SLC4A4: variants seen among roughly 807,000 people sequenced by gnomAD.
The protein encoded by SLC4A4 is solute carrier family 4 member 4.
A neutral mutation model predicts 111.5 loss-of-function variants in SLC4A4; 27 were observed. That is an observed-to-expected ratio of 0.24 (90% CI 0.18 to 0.33). SLC4A4 has a LOEUF of 0.33. Among genes scored for constraint, SLC4A4 ranks in the 10% least tolerant of loss-of-function variants. The probability of loss-of-function intolerance (pLI) is 1.00; values close to 1 mark genes in which losing one functional copy is unlikely to be tolerated. For missense variants in SLC4A4, 909 were observed against 1,315.5 expected (o/e 0.69, Z 4.78); for synonymous variants, 443 against 463.4 (o/e 0.96, Z 0.57).
At chr4:71,294,766 G>T (rs575942083) in intron 3 of SLC4A4, among the ~76,000 whole-genome samples, 14 of 152,106 alleles carry the variant, frequency 9.2e-5, no homozygotes, top group Non-Finnish European at 1.8e-4. Context: ...GTAAACTTTC[G>T]GACTTGCTGC....
intron 3 of SLC4A4, among the ~76,000 whole-genome samples, chr4:71,308,011 A>G (rs1725828569): frequency 1.3e-5 from 2 of 152,186 alleles, no homozygotes; most frequent in South Asian, 4.2e-4. Flanking sequence ...TGCAGCCCTC[A>G]ATACTTTTCT....
In SLC4A4 at chr4:71,568,091, TC is replaced by T; in HGVS notation, c.*345del. On this transcript the variant is annotated 3_prime_UTR_variant, in exon 26 of 26. Transcript: ENST00000264485. ...TTCCTTAAAAACAGCATCTGAGGAA[TC>T]CCCCTTTTGTTCTTAAACTTTCAGA... 1 of 475,272 alleles carries T rather than the reference TC, an allele frequency of 2.1e-6. No homozygotes were observed. The highest frequency in any genetic ancestry group is 2.7e-5 in the South Asian group (1 of 36,396). 29.4% of individuals were successfully genotyped at this position (475,272 alleles called of 1,614,324 possible). A position where few individuals can be genotyped will look rare whatever the true frequency, so the allele number is the denominator to read the frequency against.
At chr4:71,242,342 T>A (rs189485075) in intron 2 of SLC4A4, among the ~76,000 whole-genome samples, 3 of 152,332 alleles carry the variant, frequency 2.0e-5, no homozygotes, top group Admixed American at 2.0e-4. Flanking sequence ...TGTTGTTTGA[T>A]ATTTATTTTG....
chr4:71,259,391 CCT>C, intron 3 of SLC4A4, among the ~76,000 whole-genome samples: 1 of 152,180 alleles, frequency 6.6e-6, no homozygotes, highest in Non-Finnish European at 1.5e-5. Flanking sequence ...AGCTCCAAGT[CCT>C]TTCACAGCTG....
rs1355060292 is a variant in SLC4A4 at position 71,451,269 on chromosome 4, T to A, written c.1290T>A (p.His430Gln). The A allele has an allele frequency of 6.2e-7, 1 of 1,612,620 alleles. No individual in the cohort carries two copies. The highest frequency in any genetic ancestry group is 1.3e-5 in the African/African-American group (1 of 74,866). The change falls in exon 11 of 26, where the codon CAT (histidine) becomes CAA (glutamine). Residue 430 changes from histidine to glutamine, a missense_variant. This residue lies in a region of SLC4A4 where 312 missense variants were observed against 402.0 expected (regional missense o/e 0.78). Coordinates refer to ENST00000264485, the MANE Select transcript of SLC4A4 (RefSeq NM_001098484.3). ...PHDGGHGGGG[H>Q]GDCEELQRTG... ...ATGGAGGTCACGGAGGAGGAGGACA[T>A]GGGGATTGTGAAGAATTGCAGCGAA...
chr4:71,369,053 G>T (rs915469267), intron 6 of SLC4A4, among the ~76,000 whole-genome samples: 3 of 152,082 alleles, frequency 2.0e-5, no homozygotes, highest in African/African-American at 7.2e-5. Context: ...TGCGCAGCCC[G>T]CTTGAGAACT....
At chr4:71,276,586 T>A (rs1260123780) in intron 3 of SLC4A4, among the ~76,000 whole-genome samples, 2 of 152,028 alleles carry the variant, frequency 1.3e-5, no homozygotes, top group African/African-American at 2.4e-5. Flanking sequence ...TTAGATCTTC[T>A]TCTTTTTTTT....
Position 71,154,200 on chromosome 4 carries a change from T to G in SLC4A4, c.-2+61408T>G, listed in dbSNP as rs567065441. ...CTCTACAGACTTGATAACCTTTCTA[T>G]CTTCCTGGAAATGAGCTTATGGCTA... is the stretch of plus-strand genomic sequence containing the variant. On this transcript the variant is annotated intron_variant, in intron 2 of 26. Transcript: ENST00000649996. Among the ~76,000 whole-genome samples, 4 of 152,310 alleles carry G rather than the reference T, an allele frequency of 2.6e-5. No homozygotes were observed. In the East Asian group the frequency reaches 5.8e-4, roughly 22 times the overall value.
intron 7 of SLC4A4, among the ~76,000 whole-genome samples, chr4:71,428,377 C>T (rs1349832693): frequency 6.6e-6 from 1 of 152,000 alleles, no homozygotes; most frequent in African/African-American, 2.4e-5. Flanking sequence ...AATAATTTTC[C>T]TTTTAAACCA....
intron 3 of SLC4A4, among the ~76,000 whole-genome samples, chr4:71,286,711 A>G (rs750877200): frequency 6.6e-5 from 10 of 152,262 alleles, no homozygotes; most frequent in Non-Finnish European, 1.3e-4. Context: ...TGTGGTTAGT[A>G]TTTTTATTTC....
At chr4:71,375,225 C>T (rs182583942) in intron 6 of SLC4A4, among the ~76,000 whole-genome samples, 1 of 152,312 alleles carries the variant, frequency 6.6e-6, no homozygotes, top group African/African-American at 2.4e-5. Context: ...TAAGTTACCT[C>T]CTCATGTGGA....
At chr4:71,319,905 G>A (rs1726984376) in intron 3 of SLC4A4, among the ~76,000 whole-genome samples, 1 of 151,958 alleles carries the variant, frequency 6.6e-6, no homozygotes, top group African/African-American at 2.4e-5. Flanking sequence ...TGTGATTACT[G>A]TTGACTCAGG....
intron 2 of SLC4A4, among the ~76,000 whole-genome samples, chr4:71,249,307 C>T (rs575303339): frequency 2.0e-4 from 31 of 152,124 alleles, no homozygotes; most frequent in East Asian, 1.9e-4. Flanking sequence ...ATATGTAATA[C>T]GTAATTATCT....
chr4:71,357,765 A>G (rs1170381076), intron 6 of SLC4A4, among the ~76,000 whole-genome samples: 1 of 152,128 alleles, frequency 6.6e-6, no homozygotes, highest in Non-Finnish European at 1.5e-5. Flanking sequence ...ATGGGATATT[A>G]ACCCCATTAT....
chr4:71,138,841 T>G (rs10011058), intron 2 of SLC4A4, among the ~76,000 whole-genome samples: 1 of 151,560 alleles, frequency 6.6e-6, no homozygotes, highest in Non-Finnish European at 1.5e-5. Flanking sequence ...TTGAGACCAT[T>G]CTGCCTAACA....
At chr4:71,083,179 A>G (rs1020474661) in intron 1 of SLC4A4, among the ~76,000 whole-genome samples, 2 of 152,084 alleles carry the variant, frequency 1.3e-5, no homozygotes, top group African/African-American at 2.4e-5. Flanking sequence ...TACATTTTAT[A>G]TAAGTGCATA....
chr4:71,089,747 T>C (rs534039738), intron 1 of SLC4A4, among the ~76,000 whole-genome samples: 2 of 152,010 alleles, frequency 1.3e-5, no homozygotes, highest in East Asian at 3.9e-4. Flanking sequence ...TGCCTGATCG[T>C]TCGTCTGGAA....
chr4:71,437,092 A>C lies in SLC4A4; in HGVS notation c.808-3524A>C, dbSNP rs112812938. 3.9e-3 allele frequency: 1,713 copies of C among 439,736 alleles called. 30 individuals are homozygous for C. Among genetic ancestry groups the C allele is most frequent in the African/African-American group, 0.033 (1,616 of 48,504 alleles). The allele number at this position is 439,736 out of a possible 1,614,324, so 27.2% of individuals were successfully genotyped here. ...GCCACAGGCAATCACTTCTTTGTGG[A>C]CTTTTTCCCACTGTTCAGGATCTTT... On this transcript the variant is annotated intron_variant, in intron 7 of 25. Transcript: ENST00000264485.
At chr4:71,284,855 G>A (rs1723788884) in intron 3 of SLC4A4, among the ~76,000 whole-genome samples, 1 of 152,146 alleles carries the variant, frequency 6.6e-6, no homozygotes, top group African/African-American at 2.4e-5. Context: ...GTTACCTCTG[G>A]TTTCCTGATG....
Sources: allele counts gnomAD v4.1 joint callset (sites outside exome capture counted in the v4.1 genomes callset), GRCh38; gene constraint gnomAD v4.1.1; regional missense constraint gnomAD v4.1.1; transcripts MANE v1.5; gene names NCBI Gene and HGNC (gene_info 2026-07-23, HGNC 2026-07-21).